Variants in SLCO4C1 observed in about 807,000 individuals in gnomAD.
SLCO4C1 encodes organic anion transporter M1.
A neutral mutation model predicts 72.1 loss-of-function variants in SLCO4C1; 58 were observed. The ratio of observed to expected loss-of-function variants is 0.80; its 90% confidence interval spans 0.65 to 1.00. The LOEUF (loss-of-function observed/expected upper bound fraction) is 1.00, where lower values mean the gene tolerates loss of function less well. SLCO4C1 is among the 50% of genes least tolerant of loss of function. The pLI is 0.00. For missense variants in SLCO4C1, 898 were observed against 857.9 expected, an observed-to-expected ratio of 1.05 and a Z score of -0.58; for synonymous variants, 297 against 312.5, an observed-to-expected ratio of 0.95 and a Z score of 0.52.
chr5:102,241,460 C>T (rs1748538029), intron 10 of SLCO4C1, among the ~76,000 whole-genome samples: 1 of 151,434 alleles, frequency 6.6e-6, no homozygotes, highest in Non-Finnish European at 1.5e-5. Context: ...TATACACCAA[C>T]AATGAACAAA....
At chr5:102,268,826 T>C (rs1749095075) in intron 3 of SLCO4C1, among the ~76,000 whole-genome samples, 1 of 152,140 alleles carries the variant, frequency 6.6e-6, no homozygotes, top group African/African-American at 2.4e-5. Context: ...TAAGCATTTT[T>C]TGTAGGGCCG....
chr5:102,284,188 G>C (rs1749407214), intron 2 of SLCO4C1, among the ~76,000 whole-genome samples: 1 of 151,968 alleles, frequency 6.6e-6, no homozygotes, highest in Admixed American at 6.6e-5. Flanking sequence ...TATGGAAAAT[G>C]TGGACAGAGA....
intron 2 of SLCO4C1, among the ~76,000 whole-genome samples, chr5:102,279,924 G>A (rs1749321263): frequency 6.6e-6 from 1 of 151,708 alleles, no homozygotes; most frequent in African/African-American, 2.4e-5. Flanking sequence ...AGAAAAAGAG[G>A]AATAGAGTAG....
chr5:102,254,027 A>G (rs983776202), intron 8 of SLCO4C1, among the ~76,000 whole-genome samples: 2 of 152,142 alleles, frequency 1.3e-5, no homozygotes, highest in Admixed American at 6.6e-5. Flanking sequence ...TTCAAAGAAC[A>G]TATCAATGAA....
At chr5:102,280,090 C>CAAAAAAA (rs36217271) in intron 2 of SLCO4C1, among the ~76,000 whole-genome samples, 37 of 68,844 alleles carry the variant, frequency 5.4e-4, no homozygotes, top group Non-Finnish European at 6.9e-4. Context: ...TGCAATAAGG[C>CAAAAAAA]AAAAAAAAAA....
At chr5:102,279,001 T>A (rs151177240) in intron 2 of SLCO4C1, among the ~76,000 whole-genome samples, 1,526 of 151,022 alleles carry the variant, frequency 0.01, 20 homozygotes, top group African/African-American at 0.035. Context: ...CAGAAATCAA[T>A]AAATTGGAAA....
chr5:102,240,624 A>T, intron 11 of SLCO4C1, 94 bp downstream of exon 11: 2 of 937,860 alleles, frequency 2.1e-6, no homozygotes, highest in Non-Finnish European at 3.3e-6. Flanking sequence ...TTCCACTATA[A>T]TTTTTTTTGC....
chr5:102,246,694 C>T (rs1748641818), intron 10 of SLCO4C1, among the ~76,000 whole-genome samples: 1 of 151,988 alleles, frequency 6.6e-6, no homozygotes, highest in Non-Finnish European at 1.5e-5. Context: ...AGCTATAATT[C>T]ATTAGGAAAG....
chr5:102,263,727 C>G lies in SLCO4C1; in HGVS notation c.856G>C (p.Gly286Arg). 6.2e-7 allele frequency: 1 copy of G among 1,612,848 alleles called. No homozygotes were observed. The highest frequency in any genetic ancestry group is 8.5e-7 in the Non-Finnish European group (1 of 1,179,220). The change falls in exon 4 of 13, where the codon GGA becomes CGA. Residue 286 changes from glycine (G) to arginine (R), a missense_variant. Physicochemically the swap from Gly to Arg is moderately radical, Grantham distance 125. Transcript: ENST00000310954. ...LGPAIGYVLG[G>R]QLLTIYIDVA... ...TCAATGTATATGGTTAGCAGTTGTC[C>G]TCCCAATACATAGCCAATAGCAGGG...
rs1748408281 is a variant in SLCO4C1, at chr5:102,234,986, TC to T, written c.*1871del. The stretch of plus-strand genomic sequence containing the variant: ...TTTTTGGCTACCTATTTGGCTTCCG[TC>T]TTTGGTGTTTATATCTGTCTGGTTT... On this transcript the variant is annotated 3_prime_UTR_variant, in exon 13 of 13. Coordinates refer to ENST00000310954, the MANE Select transcript of SLCO4C1 (RefSeq NM_180991.5). 6.6e-6 allele frequency: 1 copy of T among 152,152 alleles called. No individual in the cohort carries two copies. The highest frequency in any genetic ancestry group is 1.9e-4 in the East Asian group (1 of 5,190). 9.4% of individuals were successfully genotyped at this position (152,152 alleles called of 1,614,324 possible).
chr5:102,272,674 G>A (rs1276313656), intron 2 of SLCO4C1, among the ~76,000 whole-genome samples: 1 of 152,144 alleles, frequency 6.6e-6, no homozygotes, highest in Non-Finnish European at 1.5e-5. Flanking sequence ...AATGTGTTGA[G>A]GCAGGGCGTG....
intron 11 of SLCO4C1, 106 bp downstream of exon 11, chr5:102,240,612 C>G: frequency 1.2e-6 from 1 of 803,304 alleles, no homozygotes; most frequent in Non-Finnish European, 2.1e-6. Flanking sequence ...AATGATGTAG[C>G]CTTCCACTAT....
intron 8 of SLCO4C1, among the ~76,000 whole-genome samples, chr5:102,254,733 T>G (rs1393149751): frequency 6.6e-6 from 1 of 152,346 alleles, no homozygotes; most frequent in South Asian, 2.1e-4. Flanking sequence ...ACATTGTACA[T>G]TGCTTTTCTA....
At chr5:102,268,659 C>A (rs1380821912) in intron 3 of SLCO4C1, among the ~76,000 whole-genome samples, 1 of 151,862 alleles carries the variant, frequency 6.6e-6, no homozygotes, top group Non-Finnish European at 1.5e-5. Flanking sequence ...TCATTTCTTC[C>A]TCTCTCGTTC....
At chr5:102,268,402 A>G (rs1580256202) in intron 3 of SLCO4C1, among the ~76,000 whole-genome samples, 1 of 152,064 alleles carries the variant, frequency 6.6e-6, no homozygotes, top group Admixed American at 6.6e-5. Context: ...ATTTTGTCTA[A>G]TTTAAATATA....
intron 2 of SLCO4C1, among the ~76,000 whole-genome samples, chr5:102,289,264 T>TCA (rs1010304056): frequency 6.6e-6 from 1 of 152,244 alleles, no homozygotes; most frequent in Non-Finnish European, 1.5e-5. Context: ...TCACCTCTGG[T>TCA]CACACACAAA....
chr5:102,274,932 T>C (rs906060998), intron 2 of SLCO4C1, among the ~76,000 whole-genome samples: 8 of 151,870 alleles, frequency 5.3e-5, no homozygotes, highest in Non-Finnish European at 7.4e-5. Flanking sequence ...AATCCTACAT[T>C]CCTCTCCTGT....
Position 102,291,188 on chromosome 5 carries a change from T to C in SLCO4C1, c.619+155A>G, listed in dbSNP as rs575145675. Among the ~76,000 whole-genome samples the C allele has an allele frequency of 2.6e-5, 4 of 152,346 alleles. No individual in the cohort carries two copies. The East Asian group carries it at 7.7e-4, about 29-fold the overall frequency. On this transcript the variant is annotated intron_variant, in intron 2 of 12. Transcript: ENST00000310954. ...ATAATGTACAGTCTCTCTAATCTCC[T>C]ATCTCATACAGTTCACACAATGAAC...
chr5:102,272,248 G>A (rs982471041), intron 2 of SLCO4C1, among the ~76,000 whole-genome samples: 4 of 152,028 alleles, frequency 2.6e-5, no homozygotes, highest in Admixed American at 6.6e-5. Context: ...TATTTATGGC[G>A]GCTTGATCTT....
Sources: gnomAD v4.1 joint callset for allele counts (sites outside exome capture counted in the v4.1 genomes callset) on GRCh38, gnomAD v4.1.1 for gene constraint, MANE v1.5 for transcripts, NCBI Gene and HGNC (gene_info 2026-07-23, HGNC 2026-07-21) for gene names.